CYRIA: variants seen among roughly 807,000 people sequenced by gnomAD.
The protein encoded by CYRIA is CYFIP related Rac1 interactor A.
Under a neutral mutation model 43.9 loss-of-function variants are expected in CYRIA, and 15 were observed. That is an observed-to-expected ratio of 0.34 (90% CI 0.23 to 0.53). CYRIA has a LOEUF of 0.53. Ranked by LOEUF, CYRIA falls within the 20% of genes least tolerant of loss-of-function variation. CYRIA has a pLI of 0.94. For missense variants in CYRIA, 236 were observed against 394.2 expected (o/e 0.60, Z 3.40); for synonymous variants, 117 against 136.0 (o/e 0.86, Z 0.97).
In CYRIA at chr2:16,552,653, GT is replaced by G. The variant is rs1666356606; in HGVS notation, c.*282del. 1 of 321,388 alleles carries G rather than the reference GT, an allele frequency of 3.1e-6. No homozygotes were observed. The highest frequency in any genetic ancestry group is 5.7e-6 in the Non-Finnish European group (1 of 175,420). 19.9% of individuals were successfully genotyped at this position (321,388 alleles called of 1,614,324 possible). A position where few individuals can be genotyped will look rare whatever the true frequency, so the allele number is the denominator to read the frequency against. The stretch of plus-strand genomic sequence containing the variant: ...CACAAACAATTAGGAATTTTTTATC[GT>G]TATAGATGTTGTTAAAGGACTCCAG... On this transcript the variant is annotated 3_prime_UTR_variant, in exon 12 of 12. Coordinates refer to ENST00000381323, the MANE Select transcript of CYRIA (RefSeq NM_030797.4).
intron 3 of CYRIA, among the ~76,000 whole-genome samples, chr2:16,572,330 A>ATT (rs35157297): frequency 7.4e-4 from 110 of 147,826 alleles, no homozygotes; most frequent in Admixed American, 1.5e-3. Context: ...CAAAAAATGA[A>ATT]TTTTTTTTTT....
intron 3 of CYRIA, among the ~76,000 whole-genome samples, chr2:16,569,533 T>C (rs1667055682): frequency 6.6e-6 from 1 of 152,192 alleles, no homozygotes; most frequent in African/African-American, 2.4e-5. Context: ...CCAGCTATAA[T>C]TAGACGGGCA....
At chr2:16,607,788 G>T (rs1357364544) in intron 2 of CYRIA, among the ~76,000 whole-genome samples, 1 of 152,006 alleles carries the variant, frequency 6.6e-6, no homozygotes, top group Non-Finnish European at 1.5e-5. Flanking sequence ...GTAGAGACAG[G>T]GTTTCACCAT....
At chr2:16,592,397 G>A (rs1667962427) in intron 2 of CYRIA, among the ~76,000 whole-genome samples, 1 of 152,092 alleles carries the variant, frequency 6.6e-6, no homozygotes, top group African/African-American at 2.4e-5. Flanking sequence ...TTATTTGGAT[G>A]TTTCCTGCTT....
At chr2:16,641,959 C>G (rs1669690402) in intron 1 of CYRIA, among the ~76,000 whole-genome samples, 1 of 152,156 alleles carries the variant, frequency 6.6e-6, no homozygotes, top group Admixed American at 6.5e-5. Flanking sequence ...TCTAGGAGGT[C>G]AGGGTCTCTT....
At chr2:16,568,227 GAAAAA>G (rs71400699) in intron 3 of CYRIA, among the ~76,000 whole-genome samples, 12 of 88,728 alleles carry the variant, frequency 1.4e-4, no homozygotes, top group South Asian at 4.5e-4. Flanking sequence ...TTCAAAATCA[GAAAAA>G]AAAAAAAAAA....
At chr2:16,568,140 G>GA (rs1667007762) in intron 3 of CYRIA, among the ~76,000 whole-genome samples, 1 of 142,192 alleles carries the variant, frequency 7.0e-6, no homozygotes, top group Admixed American at 7.5e-5. Context: ...GTGCAACAAA[G>GA]AAAATTCTCA....
chr2:16,586,181 C>A (rs534044403), intron 3 of CYRIA, among the ~76,000 whole-genome samples: 1 of 152,078 alleles, frequency 6.6e-6, no homozygotes, highest in Non-Finnish European at 1.5e-5. Context: ...CCTTTATACA[C>A]CCCCACAGTT....
chr2:16,632,113 G>A (rs1669344934), intron 1 of CYRIA, among the ~76,000 whole-genome samples: 1 of 152,220 alleles, frequency 6.6e-6, no homozygotes, highest in Non-Finnish European at 1.5e-5. Context: ...CCGGCTAGGA[G>A]GCACAGCACT....
intron 1 of CYRIA, among the ~76,000 whole-genome samples, chr2:16,664,215 G>A (rs1324073928): frequency 6.6e-6 from 1 of 152,136 alleles, no homozygotes; most frequent in Non-Finnish European, 1.5e-5. Flanking sequence ...GAGGCAGGAG[G>A]GAATGTGGGC....
At chr2:16,600,774 C>A (rs1668177359) in intron 2 of CYRIA, among the ~76,000 whole-genome samples, 1 of 152,206 alleles carries the variant, frequency 6.6e-6, no homozygotes, top group Non-Finnish European at 1.5e-5. Flanking sequence ...GAAGCTTTCA[C>A]ACACTTTATC....
At chr2:16,646,962 T>C (rs553558050) in intron 1 of CYRIA, among the ~76,000 whole-genome samples, 5 of 152,358 alleles carry the variant, frequency 3.3e-5, no homozygotes, top group African/African-American at 1.2e-4. Context: ...GCTGGAACTA[T>C]ATGATCAGCT....
intron 2 of CYRIA, among the ~76,000 whole-genome samples, chr2:16,601,068 G>A (rs755819195): frequency 4.6e-5 from 7 of 152,112 alleles, no homozygotes; most frequent in Admixed American, 1.3e-4. Context: ...GAATGAACAC[G>A]CTCATTTTTT....
intron 3 of CYRIA, among the ~76,000 whole-genome samples, chr2:16,567,221 T>A (rs1666966195): frequency 6.6e-6 from 1 of 152,188 alleles, no homozygotes; most frequent in East Asian, 1.9e-4. Flanking sequence ...CTGGCCAACA[T>A]GGTGAAACCC....
chr2:16,611,397 A>C (rs1363717559), intron 2 of CYRIA, among the ~76,000 whole-genome samples: 4 of 152,274 alleles, frequency 2.6e-5, no homozygotes, highest in East Asian at 1.9e-4. Flanking sequence ...TAACCAGTCA[A>C]AGAAATAAAT....
At position 16,592,764 on chromosome 2, in the gene CYRIA, T is replaced by A. The variant is rs776443043; in HGVS notation, c.-10-4635A>T. 1.2e-4 allele frequency among the ~76,000 whole-genome samples: 19 copies of A among 152,222 alleles called. No individual in the cohort carries two copies. The South Asian group carries it at 1.9e-3, about 15-fold the overall frequency. The stretch of plus-strand genomic sequence containing the variant: ...CAGAGGTTTCTCTTTGTCTTGACTC[T>A]CTCTTAGCTATGACTTTTTCCTTGT... On this transcript the variant is annotated intron_variant, in intron 2 of 11. Transcript: ENST00000381323.
intron 2 of CYRIA, among the ~76,000 whole-genome samples, chr2:16,612,272 A>G (rs1344371668): frequency 6.6e-6 from 1 of 151,986 alleles, no homozygotes; most frequent in African/African-American, 2.4e-5. Context: ...AACTACTTAG[A>G]AAGAAAGAGG....
At chr2:16,640,140 T>A (rs1669629484) in intron 1 of CYRIA, among the ~76,000 whole-genome samples, 1 of 151,948 alleles carries the variant, frequency 6.6e-6, no homozygotes, top group African/African-American at 2.4e-5. Flanking sequence ...CACACACACA[T>A]CCTTGCAAAA....
intron 4 of CYRIA, 65 bp downstream of exon 4, chr2:16,565,581 G>A (rs1376729609): frequency 2.0e-6 from 3 of 1,463,666 alleles, no homozygotes; most frequent in South Asian, 1.4e-5. Context: ...GTGTGTGTCT[G>A]TGTGCATGTG....
Sources: allele counts gnomAD v4.1 joint callset (sites outside exome capture counted in the v4.1 genomes callset), GRCh38; gene constraint gnomAD v4.1.1; transcripts MANE v1.5; gene names NCBI Gene and HGNC (gene_info 2026-07-23, HGNC 2026-07-21).